The following PDE8A variants were observed in gnomAD, a reference collection of about 807,000 sequenced individuals.
PDE8A encodes high affinity cAMP-specific and IBMX-insensitive 3',5'-cyclic phosphodiesterase 8A.
In PDE8A, 59 loss-of-function variants were observed where a neutral mutation model predicts 105.0. That is an observed-to-expected ratio of 0.56 (90% CI 0.46 to 0.70). The LOEUF (loss-of-function observed/expected upper bound fraction) is 0.70. Among genes scored for constraint, PDE8A ranks in the 30% least tolerant of loss-of-function variants. The probability of loss-of-function intolerance (pLI) is 0.00; values close to 1 mark genes in which losing one functional copy is unlikely to be tolerated. For synonymous variants in PDE8A, 355 were observed against 371.9 expected, an observed-to-expected ratio of 0.95 and a Z score of 0.52; for missense variants, 1,014 against 1,045.9, an observed-to-expected ratio of 0.97 and a Z score of 0.42.
At chr15:85,035,214 T>C (rs2141380985) in intron 1 of PDE8A, among the ~76,000 whole-genome samples, 1 of 140,362 alleles carries the variant, frequency 7.1e-6, no homozygotes, top group South Asian at 2.4e-4. Context: ...TTTTTTTTTT[T>C]TTTTTTTTTT....
intron 11 of PDE8A, among the ~76,000 whole-genome samples, chr15:85,103,283 T>C (rs2081895404): frequency 6.6e-6 from 1 of 152,194 alleles, no homozygotes; most frequent in African/African-American, 2.4e-5. Context: ...GAGCTGGGAC[T>C]GAGAGGCAGA....
At chr15:85,002,176 G>A (rs1268123922) in intron 1 of PDE8A, among the ~76,000 whole-genome samples, 4 of 151,918 alleles carry the variant, frequency 2.6e-5, no homozygotes, top group Non-Finnish European at 5.9e-5. Context: ...AGGTTAAGGA[G>A]GCTGCCCCCC....
intron 8 of PDE8A, among the ~76,000 whole-genome samples, chr15:85,094,987 G>A (rs2081718623): frequency 6.6e-6 from 1 of 152,122 alleles, no homozygotes; most frequent in Non-Finnish European, 1.5e-5. Context: ...AGTAACAAAA[G>A]CCCCAAGTGT....
chr15:85,038,216 G>GTGTGTGT (rs1567242206), intron 1 of PDE8A, among the ~76,000 whole-genome samples: 134 of 48,322 alleles, frequency 2.8e-3, no homozygotes, highest in African/African-American at 0.013. Context: ...CCAATTGGGG[G>GTGTGTGT]GTGTGTGTGT....
intron 1 of PDE8A, among the ~76,000 whole-genome samples, chr15:85,060,710 A>G (rs1016102819): frequency 6.6e-6 from 1 of 152,188 alleles, no homozygotes; most frequent in African/African-American, 2.4e-5. Flanking sequence ...TAAAATGCAA[A>G]ATGTAGTTAC....
At chr15:85,042,330 G>T (rs560051203) in intron 1 of PDE8A, among the ~76,000 whole-genome samples, 1 of 151,918 alleles carries the variant, frequency 6.6e-6, no homozygotes, top group African/African-American at 2.4e-5. Flanking sequence ...ATGTACCACC[G>T]TGCCCAGCTA....
At position 85,100,211 on chromosome 15, in the gene PDE8A, G is replaced by T; in HGVS notation, c.1036+13G>T. ...GACACTCATACAGGTACGGTGCCCCGTATTTATTCTTAGAGTTCATTGAGT... is the reference window on the plus strand; with the variant it reads ...GACACTCATACAGGTACGGTGCCCCTTATTTATTCTTAGAGTTCATTGAGT... On this transcript the variant is annotated intron_variant, in intron 11 of 21. Coordinates refer to ENST00000394553, the MANE Select transcript of PDE8A (RefSeq NM_002605.3). 1 of 1,603,666 alleles carries T rather than the reference G, an allele frequency of 6.2e-7. No individual in the cohort carries two copies. The highest frequency in any genetic ancestry group is 8.5e-7 in the Non-Finnish European group (1 of 1,172,244).
In PDE8A at chr15:85,123,085, G is replaced by A. The variant is rs2082206083; in HGVS notation, c.1977G>A (p.Gln659=). The A allele has an allele frequency of 1.2e-6, 2 of 1,614,030 alleles. No individual in the cohort carries two copies. The highest frequency in any genetic ancestry group is 1.7e-5 in the Admixed American group (1 of 60,018). The change falls in exon 19 of 22, where the codon CAG becomes CAA. Residue 659 remains glutamine (Q), a synonymous_variant. Transcript: ENST00000394553. The part of the protein sequence containing the change: ...MERNDYRTLR[Q]GIIDMVLATE... ...GGAATGATTATCGGACACTGCGCCAGGGGATTATCGACATGGTCTTAGCCA... is the reference window on the plus strand; with the variant it reads ...GGAATGATTATCGGACACTGCGCCAAGGGATTATCGACATGGTCTTAGCCA...
At chr15:85,111,596 T>C (rs2141595955) in intron 12 of PDE8A, among the ~76,000 whole-genome samples, 1 of 152,370 alleles carries the variant, frequency 6.6e-6, no homozygotes, top group Middle Eastern at 3.4e-3. Flanking sequence ...CAGTTACTTA[T>C]ATAGTAAGTG....
intron 1 of PDE8A, among the ~76,000 whole-genome samples, chr15:84,983,228 G>A (rs1197367517): frequency 1.2e-4 from 19 of 152,178 alleles, no homozygotes; most frequent in Admixed American, 3.9e-4. Context: ...ATTTAAAGCT[G>A]GAACTCATGC....
Position 84,982,221 on chromosome 15 carries a change from G to T in PDE8A, c.59G>T (p.Ser20Ile). 2 of 1,481,110 alleles carry T rather than the reference G, an allele frequency of 1.4e-6. No homozygotes were observed. The highest frequency in any genetic ancestry group is 2.5e-5 in the South Asian group (2 of 78,744). 91.7% of individuals were successfully genotyped at this position (1,481,110 alleles called of 1,614,324 possible). Residue 20 changes from serine to isoleucine, a missense_variant, in exon 1 of 22, where the codon AGC (serine) becomes ATC (isoleucine). Coordinates refer to ENST00000394553, the MANE Select transcript of PDE8A (RefSeq NM_002605.3). ...CGCCTGGTGGCCGAGGACGCGCCTAGCCCCGCGGCACCGCCGCTGTCGTCC... is the reference window on the plus strand; with the variant it reads ...CGCCTGGTGGCCGAGGACGCGCCTATCCCCGCGGCACCGCCGCTGTCGTCC... ...SERLVAEDAP[S>I]PAAPPLSSGG...
At chr15:85,124,872 G>C (rs1006896528) in intron 19 of PDE8A, among the ~76,000 whole-genome samples, 14 of 152,194 alleles carry the variant, frequency 9.2e-5, no homozygotes, top group Non-Finnish European at 1.3e-4. Flanking sequence ...AGTCTGGACA[G>C]CCCCTAGAGC....
At chr15:85,132,212 C>T (rs565296259) in intron 20 of PDE8A, among the ~76,000 whole-genome samples, 15 of 152,204 alleles carry the variant, frequency 9.9e-5, no homozygotes, top group Admixed American at 7.8e-4. Flanking sequence ...GTTCAAGAAA[C>T]CCTCCTGCCT....
intron 20 of PDE8A, among the ~76,000 whole-genome samples, chr15:85,128,453 T>C (rs182336212): frequency 1.1e-3 from 164 of 152,262 alleles, no homozygotes; most frequent in East Asian, 3.7e-3. Context: ...GCCATGATTG[T>C]ACACTGCACT....
At position 84,996,115 on chromosome 15, in the gene PDE8A, CAT is replaced by C. The variant is rs1319381324; in HGVS notation, c.186+13768_186+13769del. Among the ~76,000 whole-genome samples, 8 of 152,120 alleles carry C rather than the reference CAT, an allele frequency of 5.3e-5. No individual in the cohort carries two copies. In the East Asian group the frequency reaches 1.5e-3, roughly 29 times the overall value. Reference sequence around the variant, plus strand: ...GTTTGAATGTTAAATTTTGACCTCTCATGTGCATTGCAAATTTTTTTCCTCAA... The same window carrying C: ...GTTTGAATGTTAAATTTTGACCTCTCGTGCATTGCAAATTTTTTTCCTCAA... On this transcript the variant is annotated intron_variant, in intron 1 of 21. Transcript: ENST00000394553.
chr15:85,135,754 T>C (rs2082399065), intron 20 of PDE8A, among the ~76,000 whole-genome samples: 1 of 152,208 alleles, frequency 6.6e-6, no homozygotes. Context: ...AACAGGACGC[T>C]TGCCTTTTTC....
chr15:84,998,358 C>CCTCAGA (rs1446039157), intron 1 of PDE8A, among the ~76,000 whole-genome samples: 1 of 152,168 alleles, frequency 6.6e-6, no homozygotes, highest in Non-Finnish European at 1.5e-5. Flanking sequence ...GATGGCCTGG[C>CCTCAGA]CTCAGACTCT....
chr15:85,101,711 A>G (rs888700461), intron 11 of PDE8A, among the ~76,000 whole-genome samples: 3 of 152,122 alleles, frequency 2.0e-5, no homozygotes, highest in South Asian at 2.1e-4. Flanking sequence ...AAAGAAAACA[A>G]TGGCCAGGGA....
chr15:85,068,543 C>G (rs1210542795), intron 3 of PDE8A, among the ~76,000 whole-genome samples: 1 of 152,062 alleles, frequency 6.6e-6, no homozygotes, highest in Non-Finnish European at 1.5e-5. Context: ...AAATTTGGAA[C>G]ACTTGGTTTC....
Sources: allele counts gnomAD v4.1 joint callset (sites outside exome capture counted in the v4.1 genomes callset), GRCh38; gene constraint gnomAD v4.1.1; transcripts MANE v1.5; gene names NCBI Gene and HGNC (gene_info 2026-07-23, HGNC 2026-07-21).